SLC13A1: variants seen among roughly 807,000 people sequenced by gnomAD.
The protein encoded by SLC13A1 is Na(+)/sulfate cotransporter.
Under a neutral mutation model 70.0 loss-of-function variants are expected in SLC13A1, and 65 were observed. The observed-to-expected ratio is 0.93, with a 90% CI of 0.76 to 1.14. The LOEUF (loss-of-function observed/expected upper bound fraction) is 1.14, where lower values mean the gene tolerates loss of function less well. Among genes scored for constraint, SLC13A1 ranks in the 50% most tolerant of loss-of-function variants. The pLI is 0.00. For missense variants in SLC13A1, 726 were observed against 717.8 expected, an observed-to-expected ratio of 1.01 and a Z score of -0.13; for synonymous variants, 275 against 250.5, an observed-to-expected ratio of 1.10 and a Z score of -0.92.
intron 3 of SLC13A1, 123 bp from the exon 4 acceptor site, chr7:123,169,458 A>T: frequency 1.2e-6 from 1 of 869,562 alleles, no homozygotes; most frequent in Non-Finnish European, 1.8e-6. Flanking sequence ...CAAAACATGG[A>T]AGGTTAAGAT....
intron 7 of SLC13A1, among the ~76,000 whole-genome samples, chr7:123,146,059 T>C (rs1794337712): frequency 6.6e-6 from 1 of 152,194 alleles, no homozygotes. Context: ...CCAGTCTGAG[T>C]GCACATATGA....
chr7:123,187,504 A>G (rs1213012860), intron 1 of SLC13A1, among the ~76,000 whole-genome samples: 3 of 152,200 alleles, frequency 2.0e-5, no homozygotes, highest in Non-Finnish European at 2.9e-5. Flanking sequence ...TCTGTTAAAG[A>G]CTGATGTTAA....
intron 10 of SLC13A1, among the ~76,000 whole-genome samples, chr7:123,127,782 G>T (rs1793608138): frequency 7.0e-6 from 1 of 143,868 alleles, no homozygotes; most frequent in South Asian, 2.3e-4. Context: ...TTTCTTTATT[G>T]TATGTGGGCA....
At chr7:123,179,464 C>T (rs913529598) in intron 2 of SLC13A1, among the ~76,000 whole-genome samples, 2 of 152,146 alleles carry the variant, frequency 1.3e-5, no homozygotes, top group African/African-American at 2.4e-5. Context: ...GTCTAAGATT[C>T]TATGACTGTT....
At position 123,128,918 on chromosome 7, in the gene SLC13A1, A is replaced by G. The variant is rs200483605; in HGVS notation, c.1060T>C (p.Phe354Leu). 2 of 1,613,456 alleles carry G rather than the reference A, an allele frequency of 1.2e-6. No homozygotes were observed. Among genetic ancestry groups the G allele is most frequent in the East Asian group, 2.2e-5 (1 of 44,816 alleles). The change falls in exon 10 of 15, where the codon TTC (phenylalanine) becomes CTC (leucine). Residue 354 changes from phenylalanine (F) to leucine (L), a missense_variant. Phe to Leu is a conservative substitution (Grantham distance 22). Coordinates refer to ENST00000194130, the MANE Select transcript of SLC13A1 (RefSeq NM_022444.4). ...RYQEIVTLVL[F>L]IIMALLWFSR... ...AACCATAGCAGAGCCATTATAATGA[A>G]GAGGACCAAGGTCACAATTTCTTGA...
chr7:123,123,328 T>C (rs1346918797), intron 11 of SLC13A1, 93 bp from the exon 12 acceptor site: 2 of 784,890 alleles, frequency 2.5e-6, no homozygotes, highest in Non-Finnish European at 2.3e-6. Context: ...TACAGGAAGT[T>C]TGTAATATTC....
At chr7:123,174,696 C>T (rs1795390942) in intron 2 of SLC13A1, among the ~76,000 whole-genome samples, 1 of 152,014 alleles carries the variant, frequency 6.6e-6, no homozygotes, top group Non-Finnish European at 1.5e-5. Context: ...TTAAGAACTT[C>T]CCATAGTTTT....
chr7:123,163,719 G>T (rs1042693394), intron 6 of SLC13A1, among the ~76,000 whole-genome samples: 3 of 151,906 alleles, frequency 2.0e-5, no homozygotes, highest in African/African-American at 7.2e-5. Flanking sequence ...TTGATTCTTT[G>T]CTTGGTGTAG....
Position 123,182,403 on chromosome 7 carries a change from AG to A in SLC13A1, c.100-1303del, listed in dbSNP as rs1255091719. Among the ~76,000 whole-genome samples, 57 of 152,114 alleles carry A rather than the reference AG, an allele frequency of 3.7e-4. 1 individual carries two copies. The highest frequency in any genetic ancestry group is 1.3e-3 in the African/African-American group (55 of 41,428). On this transcript the variant is annotated intron_variant, in intron 1 of 14. Coordinates refer to ENST00000194130, the MANE Select transcript of SLC13A1 (RefSeq NM_022444.4). Reference sequence around the variant, plus strand: ...TGGACCACTTTTAATCTTGCTCTCTAGTTACAACTAGCCACTATCTTGATCC... The same window carrying A: ...TGGACCACTTTTAATCTTGCTCTCTATTACAACTAGCCACTATCTTGATCC...
intron 6 of SLC13A1, among the ~76,000 whole-genome samples, chr7:123,159,020 A>C (rs1026232575): frequency 1.3e-5 from 2 of 152,032 alleles, no homozygotes; most frequent in Non-Finnish European, 2.9e-5. Context: ...TATGAACATA[A>C]CTCTACAGAG....
chr7:123,163,549 G>A (rs911076706), intron 6 of SLC13A1, among the ~76,000 whole-genome samples: 5 of 151,910 alleles, frequency 3.3e-5, no homozygotes, highest in African/African-American at 9.7e-5. Flanking sequence ...TCTTTATCAC[G>A]CCAGCAAAAT....
intron 7 of SLC13A1, among the ~76,000 whole-genome samples, chr7:123,142,640 T>TTTTTTC (rs1794195141): frequency 7.5e-6 from 1 of 132,754 alleles, no homozygotes; most frequent in African/African-American, 2.9e-5. Context: ...GGCAAGAACT[T>TTTTTTC]TTTTTTTTTT....
chr7:123,149,711 A>T, intron 6 of SLC13A1: 1 of 434,814 alleles, frequency 2.3e-6, no homozygotes, highest in Non-Finnish European at 4.6e-6. Flanking sequence ...CATCCTGGTT[A>T]TCAAGAAATT....
At chr7:123,126,880 T>G (rs1793579837) in intron 10 of SLC13A1, among the ~76,000 whole-genome samples, 1 of 152,046 alleles carries the variant, frequency 6.6e-6, no homozygotes, top group Admixed American at 6.6e-5. Context: ...CACATTGAAT[T>G]CAGTCCAGGT....
intron 1 of SLC13A1, among the ~76,000 whole-genome samples, chr7:123,182,363 G>C (rs889474254): frequency 1.3e-5 from 2 of 152,046 alleles, no homozygotes; most frequent in African/African-American, 4.8e-5. Context: ...AAGAACCTAG[G>C]TTGCAGAGAT....
In SLC13A1 at chr7:123,129,471, TC is replaced by T; in HGVS notation, c.942del (p.Met315CysfsTer18). On this transcript the variant is annotated frameshift_variant, in exon 9 of 15. Transcript: ENST00000194130. LOFTEE classifies it high-confidence loss of function. ...GTTTTGGTTTTGCCACATTTGAACA[TC>T]TCCTTAAAACTGCAAAGAATAATTA... ...QWLFLGFNFK[E>X]MFKCGKTKTV... The T allele has an allele frequency of 6.2e-7, 1 of 1,613,018 alleles. No homozygotes were observed. The highest frequency in any genetic ancestry group is 1.3e-5 in the African/African-American group (1 of 74,922).
intron 3 of SLC13A1, among the ~76,000 whole-genome samples, chr7:123,171,023 A>G (rs1165340519): frequency 2.0e-5 from 3 of 152,172 alleles, no homozygotes; most frequent in Non-Finnish European, 4.4e-5. Flanking sequence ...TCTACGCCCT[A>G]GAATGAATTA....
At chr7:123,160,023 C>A (rs946825829) in intron 6 of SLC13A1, among the ~76,000 whole-genome samples, 8 of 151,922 alleles carry the variant, frequency 5.3e-5, no homozygotes, top group African/African-American at 1.7e-4. Flanking sequence ...TAGTGTCATG[C>A]CTGTAATCCC....
chr7:123,194,082 A>G (rs1796090757), intron 1 of SLC13A1, among the ~76,000 whole-genome samples: 1 of 152,140 alleles, frequency 6.6e-6, no homozygotes. Flanking sequence ...AGGAGACAGA[A>G]ATTTAAACAC....
Sources: allele counts gnomAD v4.1 joint callset (sites outside exome capture counted in the v4.1 genomes callset), GRCh38; gene constraint gnomAD v4.1.1; transcripts MANE v1.5; gene names NCBI Gene and HGNC (gene_info 2026-07-23, HGNC 2026-07-21).